CCDC40: variants seen among roughly 807,000 people sequenced by gnomAD.
The protein encoded by CCDC40 is coiled-coil domain-containing protein 40.
In CCDC40, 104 loss-of-function variants were observed where a neutral mutation model predicts 124.5. The ratio of observed to expected loss-of-function variants is 0.84; its 90% confidence interval spans 0.71 to 0.98. The LOEUF is 0.98. Among genes scored for constraint, CCDC40 ranks in the 50% least tolerant of loss-of-function variants. The probability of loss-of-function intolerance (pLI) is 0.00; values close to 1 mark genes in which losing one functional copy is unlikely to be tolerated. For missense variants in CCDC40, 1,463 were observed against 1,503.9 expected (o/e 0.97, Z 0.45); for synonymous variants, 580 against 602.9 (o/e 0.96, Z 0.56).
At chr17:80,095,186 G>A (rs1179186339) in intron 17 of CCDC40, 77 bp from the exon 18 acceptor site, 3 of 1,409,164 alleles carry the variant, frequency 2.1e-6, no homozygotes, top group Non-Finnish European at 3.0e-6. Flanking sequence ...GATGAGCGAG[G>A]CCAGCGCCCC....
chr17:80,047,573 C>T (rs1315117903), intron 4 of CCDC40, 171 bp downstream of exon 4: 1 of 679,496 alleles, frequency 1.5e-6, no homozygotes, highest in Admixed American at 2.3e-5. Flanking sequence ...TGGGCATTTA[C>T]TGTTTTATCT....
rs970835334 is a variant in CCDC40, at chr17:80,047,383, G to C, written c.657G>C (p.Glu219Asp). 1 of 1,613,020 alleles carries C rather than the reference G, an allele frequency of 6.2e-7. No individual in the cohort carries two copies. Among genetic ancestry groups the C allele is most frequent in the African/African-American group, 1.3e-5 (1 of 74,916 alleles). ...GSDIESSDLE[E>D]FVSQEPVIPP... ...ACATCGAGTCCTCAGACCTGGAGGA[G>C]TTCGTCTCGCAGGAGCCAGGTGCCA... Residue 219 changes from glutamate to aspartate, a missense_variant, in exon 4 of 20, where the codon GAG (glutamate) becomes GAC (aspartate). Physicochemically the swap from Glu to Asp is conservative, Grantham distance 45. Coordinates refer to ENST00000397545, the MANE Select transcript of CCDC40 (RefSeq NM_017950.4).
chr17:80,063,087 C>T (rs918081331), intron 9 of CCDC40, among the ~76,000 whole-genome samples: 9 of 151,866 alleles, frequency 5.9e-5, no homozygotes, highest in Admixed American at 1.3e-4. Flanking sequence ...CGCAGCTGTT[C>T]GGGAGACTGA....
intron 7 of CCDC40, among the ~76,000 whole-genome samples, chr17:80,053,931 G>A (rs974117930): frequency 1.3e-5 from 2 of 152,160 alleles, no homozygotes; most frequent in Non-Finnish European, 2.9e-5. Flanking sequence ...TAACAACAAC[G>A]GGAAGTCCAC....
chr17:80,095,880 C>G (rs994926477), intron 18 of CCDC40, among the ~76,000 whole-genome samples: 1 of 152,328 alleles, frequency 6.6e-6, no homozygotes, highest in South Asian at 2.1e-4. Flanking sequence ...CTGGGGAGCC[C>G]GAGTGGGCAC....
chr17:80,095,348 C>G lies in CCDC40; in HGVS notation c.2918C>G (p.Thr973Ser). The change falls in exon 18 of 20, where the codon ACC becomes AGC. Residue 973 changes from threonine (T) to serine (S), a missense_variant. Transcript: ENST00000397545. The stretch of plus-strand genomic sequence containing the variant: ...GTTGCCCGCAGAGAGACCGTCACCA[C>G]CCAGGCCGAGGGGCAGCGCAAGATG... ...LAVARRETVT[T>S]QAEGQRKMDR... 1 of 1,614,106 alleles carries G rather than the reference C, an allele frequency of 6.2e-7. No homozygotes were observed. Among genetic ancestry groups the G allele is most frequent in the Middle Eastern group, 1.6e-4 (1 of 6,062 alleles).
intron 18 of CCDC40, among the ~76,000 whole-genome samples, chr17:80,096,162 C>T (rs1277330511): frequency 6.6e-6 from 1 of 152,206 alleles, no homozygotes; most frequent in Non-Finnish European, 1.5e-5. Context: ...TTAAATGTGA[C>T]AGCAACCACA....
rs181118178 is a variant in CCDC40, at chr17:80,090,507, C to G, written c.2832+623C>G. On this transcript the variant is annotated intron_variant, in intron 17 of 19. Transcript: ENST00000397545. The stretch of plus-strand genomic sequence containing the variant: ...AGCACGTGCATGTCATCTCACAAAA[C>G]GCTGTTTTATTCCTACTCCATGTAA... The G allele has an allele frequency of 1.2e-5, 19 of 1,525,160 alleles. No homozygotes were observed. The South Asian group carries it at 1.8e-4, about 14-fold the overall frequency. The allele number at this position is 1,525,160 out of a possible 1,614,324, so 94.5% of individuals were successfully genotyped here.
chr17:80,090,245 G>A (rs1460066895), intron 17 of CCDC40: 6 of 870,926 alleles, frequency 6.9e-6, no homozygotes, highest in South Asian at 6.2e-5. Context: ...GCACGTGCAC[G>A]AACAACACGG....
intron 19 of CCDC40, 32 bp from the exon 20 acceptor site, chr17:80,099,495 T>A: frequency 6.2e-7 from 1 of 1,601,004 alleles, no homozygotes; most frequent in Non-Finnish European, 8.5e-7. Context: ...CTGGTTTGCA[T>A]AGCCCTATAT....
At position 80,048,731 on chromosome 17, in the gene CCDC40, G is replaced by A. The variant is rs1301073886; in HGVS notation, c.825G>A (p.Gly275=). 8.7e-6 allele frequency: 14 copies of A among 1,612,998 alleles called. No individual in the cohort carries two copies. Among genetic ancestry groups the A allele is most frequent in the Non-Finnish European group, 1.2e-5 (14 of 1,179,496 alleles). Residue 275 remains glycine, a synonymous_variant, in exon 5 of 20, where the codon GGG becomes GGA. Coordinates refer to ENST00000397545, the MANE Select transcript of CCDC40 (RefSeq NM_017950.4). ...EGSDEEAEDE[G]SQLVVLDPDH... is the part of the protein sequence containing the mutation. ...GTGACGAGGAAGCAGAAGACGAAGG[G>A]TCCCAGCTGGTGGTTTTGGACCCAG...
At chr17:80,093,995 A>G (rs1017662318) in intron 17 of CCDC40, among the ~76,000 whole-genome samples, 1 of 152,186 alleles carries the variant, frequency 6.6e-6, no homozygotes, top group Non-Finnish European at 1.5e-5. Flanking sequence ...ACTTTATGGT[A>G]CATTTTAAAC....
At chr17:80,068,102 C>T (rs969040261) in intron 10 of CCDC40, 1 of 487,294 alleles carries the variant, frequency 2.1e-6, no homozygotes, top group African/African-American at 2.1e-5. Flanking sequence ...GGCACCATCT[C>T]TGCTCACTGC....
chr17:80,083,157 C>T (rs374635133), intron 12 of CCDC40, among the ~76,000 whole-genome samples: 118 of 150,722 alleles, frequency 7.8e-4, no homozygotes, highest in African/African-American at 2.5e-3. Flanking sequence ...GGTGCAGGCC[C>T]GGCTGTGACG....
In CCDC40 at chr17:80,095,428, CG is replaced by C; in HGVS notation, c.3000del (p.Ile1002SerfsTer25). On this transcript the variant is annotated frameshift_variant, in exon 18 of 20. Transcript: ENST00000397545. LOFTEE classifies it high-confidence loss of function. Reference protein sequence around the residue: ...DFHHKQLELRRKIRDVRKATD... With the variant: ...DFHHKQLELRXKIRDVRKATD... ...CCACCACAAGCAGCTTGAGCTGCGC[CG>C]GAAAATCAGGGACGTTCGCAAGGTA... 6.2e-7 allele frequency: 1 copy of C among 1,614,156 alleles called. No individual in the cohort carries two copies. Among genetic ancestry groups the C allele is most frequent in the Non-Finnish European group, 8.5e-7 (1 of 1,180,034 alleles).
rs1483583968 is a variant in CCDC40 at position 80,084,836 on chromosome 17, C to G, written c.2083C>G (p.Leu695Val). The change falls in exon 13 of 20, where the codon CTG (leucine) becomes GTG (valine). Residue 695 changes from leucine (L) to valine (V), a missense_variant. Transcript: ENST00000397545. ...SSRLDAHQKT[L>V]VELDQDVKKV... is the part of the protein sequence containing the mutation. ...CAGGCTGGACGCACACCAGAAGACC[C>G]TGGTGGAGCTGGACCAGGACGTGAA... The G allele has an allele frequency of 6.2e-7, 1 of 1,614,210 alleles. No homozygotes were observed. Among genetic ancestry groups the G allele is most frequent in the Non-Finnish European group, 8.5e-7 (1 of 1,180,046 alleles).
intron 13 of CCDC40, among the ~76,000 whole-genome samples, chr17:80,085,687 T>C (rs978509549): frequency 1.5e-4 from 14 of 93,560 alleles, no homozygotes; most frequent in Middle Eastern, 7.1e-3. Flanking sequence ...TTTTTTTTTT[T>C]CTGAGACGGA....
intron 10 of CCDC40, among the ~76,000 whole-genome samples, chr17:80,068,791 G>A (rs2038114788): frequency 6.6e-6 from 1 of 152,064 alleles, no homozygotes; most frequent in African/African-American, 2.4e-5. Context: ...GTGTAACTGA[G>A]TATAATAGCC....
intron 3 of CCDC40, among the ~76,000 whole-genome samples, chr17:80,046,221 C>G (rs2143600932): frequency 6.6e-6 from 1 of 152,214 alleles, no homozygotes; most frequent in South Asian, 2.1e-4. Flanking sequence ...TGGAAAACAT[C>G]TAACTCTCCC....
Sources: gnomAD v4.1 joint callset for allele counts (sites outside exome capture counted in the v4.1 genomes callset) on GRCh38, gnomAD v4.1.1 for gene constraint, MANE v1.5 for transcripts, NCBI Gene and HGNC (gene_info 2026-07-23, HGNC 2026-07-21) for gene names.